OPCML: variants seen among roughly 807,000 people sequenced by gnomAD.
The protein encoded by OPCML is opioid binding protein/cell adhesion molecule like.
A neutral mutation model predicts 37.8 loss-of-function variants in OPCML; 13 were observed. The observed-to-expected ratio is 0.34, with a 90% CI of 0.22 to 0.55. OPCML has a LOEUF of 0.55. Among genes scored for constraint, OPCML ranks in the 20% least tolerant of loss-of-function variants. The pLI is 0.91. For synonymous variants in OPCML, 176 were observed against 168.8 expected, an observed-to-expected ratio of 1.04 and a Z score of -0.33; for missense variants, 341 against 435.6, an observed-to-expected ratio of 0.78 and a Z score of 1.93.
chr11:133,400,209 T>C (rs1025975381), intron 1 of OPCML, among the ~76,000 whole-genome samples: 2 of 152,194 alleles, frequency 1.3e-5, no homozygotes, highest in African/African-American at 4.8e-5. Context: ...AAGTTATTGA[T>C]GCAAATTTGT....
chr11:132,927,321 C>T (rs1302233578), intron 2 of OPCML, among the ~76,000 whole-genome samples: 2 of 152,084 alleles, frequency 1.3e-5, no homozygotes, highest in Non-Finnish European at 2.9e-5. Flanking sequence ...TTATCATTTA[C>T]AAAAGATTCT....
chr11:132,711,167 G>A (rs941983337), intron 2 of OPCML, among the ~76,000 whole-genome samples: 2 of 152,194 alleles, frequency 1.3e-5, no homozygotes, highest in African/African-American at 4.8e-5. Context: ...GTAGCCTAAT[G>A]ACAGGGATAT....
chr11:132,660,213 C>A (rs1941903691), intron 2 of OPCML, among the ~76,000 whole-genome samples: 1 of 152,158 alleles, frequency 6.6e-6, no homozygotes, highest in Non-Finnish European at 1.5e-5. Flanking sequence ...AGGATCAATT[C>A]TATTCCTACT....
intron 4 of OPCML, among the ~76,000 whole-genome samples, chr11:132,486,832 A>G (rs948938473): frequency 2.0e-5 from 3 of 152,206 alleles, no homozygotes; most frequent in Admixed American, 1.3e-4. Flanking sequence ...TTAACCAAGG[A>G]GAGCCTGTGA....
intron 1 of OPCML, among the ~76,000 whole-genome samples, chr11:133,509,887 G>T (rs1451995579): frequency 6.6e-6 from 1 of 152,110 alleles, no homozygotes; most frequent in Non-Finnish European, 1.5e-5. Context: ...ACCACCTCTG[G>T]GGTGTCTCTT....
At position 133,244,446 on chromosome 11, in the gene OPCML, A is replaced by G. The variant is rs74740362; in HGVS notation, c.61+287818T>C. 7.6e-3 allele frequency among the ~76,000 whole-genome samples: 1,150 copies of G among 152,256 alleles called. 14 individuals carry two copies. The highest frequency in any genetic ancestry group is 0.025 in the African/African-American group (1,041 of 41,574). On this transcript the variant is annotated intron_variant, in intron 1 of 7. Coordinates refer to ENST00000524381, the MANE Select transcript of OPCML (RefSeq NM_001012393.5). ...CAATGAGTTAACCTAATAAGGTAGC[A>G]AACAGTGTGTTCCCGAACACACGGG...
chr11:132,720,732 T>C (rs981095520), intron 2 of OPCML, among the ~76,000 whole-genome samples: 6 of 152,190 alleles, frequency 3.9e-5, no homozygotes, highest in Admixed American at 2.6e-4. Context: ...GATCCAATTA[T>C]TGAGAAAACT....
intron 2 of OPCML, among the ~76,000 whole-genome samples, chr11:132,916,540 G>A (rs1944611507): frequency 6.6e-6 from 1 of 152,136 alleles, no homozygotes; most frequent in Non-Finnish European, 1.5e-5. Flanking sequence ...ATCCCAGACA[G>A]TAAACCTGGA....
intron 1 of OPCML, among the ~76,000 whole-genome samples, chr11:133,070,784 A>T (rs1018476948): frequency 6.6e-6 from 1 of 152,192 alleles, no homozygotes; most frequent in Non-Finnish European, 1.5e-5. Context: ...TGAAAATTGT[A>T]CCAGGGATAA....
intron 1 of OPCML, among the ~76,000 whole-genome samples, chr11:133,255,161 C>T (rs772783815): frequency 4.6e-5 from 7 of 152,152 alleles, no homozygotes; most frequent in South Asian, 4.1e-4. Context: ...CCTCACTCTC[C>T]GGCCCTGAAG....
chr11:133,282,386 C>T (rs1009257121), intron 1 of OPCML, among the ~76,000 whole-genome samples: 5 of 152,206 alleles, frequency 3.3e-5, no homozygotes, highest in African/African-American at 1.2e-4. Context: ...AGGCCATAAG[C>T]CTTGGCAGCT....
chr11:132,561,880 A>G (rs1168635935), intron 3 of OPCML, among the ~76,000 whole-genome samples: 4 of 152,192 alleles, frequency 2.6e-5, no homozygotes, highest in African/African-American at 4.8e-5. Flanking sequence ...CACCTTTCCA[A>G]TTGAACTTTC....
intron 1 of OPCML, among the ~76,000 whole-genome samples, chr11:133,241,874 C>G (rs1283637392): frequency 6.6e-6 from 1 of 152,212 alleles, no homozygotes; most frequent in Non-Finnish European, 1.5e-5. Context: ...CGGTTCCCTC[C>G]TTTTCCACCC....
intron 3 of OPCML, among the ~76,000 whole-genome samples, chr11:132,572,021 C>T (rs1011174672): frequency 6.6e-6 from 1 of 151,684 alleles, no homozygotes; most frequent in South Asian, 2.1e-4. Context: ...GTGATTAGTG[C>T]TGAACCTCTT....
At chr11:132,606,186 A>T (rs571669157) in intron 3 of OPCML, among the ~76,000 whole-genome samples, 1 of 152,278 alleles carries the variant, frequency 6.6e-6, no homozygotes, top group East Asian at 1.9e-4. Context: ...TTATTTATTC[A>T]TCTACTTTTA....
intron 1 of OPCML, among the ~76,000 whole-genome samples, chr11:133,162,592 GC>G (rs1950159666): frequency 6.6e-6 from 1 of 152,194 alleles, no homozygotes; most frequent in African/African-American, 2.4e-5. Context: ...CACACTGCCG[GC>G]CACATCAACC....
intron 1 of OPCML, among the ~76,000 whole-genome samples, chr11:133,190,920 T>C (rs1359968653): frequency 6.6e-6 from 1 of 152,206 alleles, no homozygotes; most frequent in African/African-American, 2.4e-5. Flanking sequence ...GTTTCTTTTT[T>C]GGACTATTTT....
rs186901442 is a variant in OPCML at position 133,170,347 on chromosome 11, G to A, written c.62-227337C>T. ...AAAAAATACAAAAACTTAGCCGGAT[G>A]TGGTGGTGGGCGCCTGTAGTCCCAG... On this transcript the variant is annotated intron_variant, in intron 1 of 7. Coordinates refer to ENST00000524381, the MANE Select transcript of OPCML (RefSeq NM_001012393.5). Among the ~76,000 whole-genome samples the A allele has an allele frequency of 5.3e-5, 8 of 152,316 alleles. No individual in the cohort carries two copies. In the East Asian group the frequency reaches 1.5e-3, roughly 29 times the overall value.
intron 1 of OPCML, among the ~76,000 whole-genome samples, chr11:133,503,073 G>A (rs1947951533): frequency 6.6e-6 from 1 of 152,196 alleles, no homozygotes. Flanking sequence ...GGGGATTTGA[G>A]GGCTGGGAAT....
Sources: gnomAD v4.1 joint callset for allele counts (sites outside exome capture counted in the v4.1 genomes callset) on GRCh38, gnomAD v4.1.1 for gene constraint, MANE v1.5 for transcripts, NCBI Gene and HGNC (gene_info 2026-07-23, HGNC 2026-07-21) for gene names.